Variants in TMSB4X observed in about 807,000 individuals in gnomAD.
The protein encoded by TMSB4X is thymosin beta-4.
Under a neutral mutation model 3.6 loss-of-function variants are expected in TMSB4X, and 1 was observed. That is an observed-to-expected ratio of 0.28 (90% CI 0.10 to 1.32). The LOEUF is 1.32. TMSB4X is among the 40% of genes most tolerant of loss of function. The pLI, the probability that TMSB4X is intolerant of heterozygous loss-of-function variation, is 0.45. For missense variants in TMSB4X, 6 were observed against 32.7 expected (o/e 0.18, Z 1.99); for synonymous variants, 12 against 14.3 (o/e 0.84, Z 0.36).
chrX:12,976,197 CG>C (rs1286422871), intron 1 of TMSB4X, 48 bp from the exon 2 acceptor site: 1 of 976,821 alleles, frequency 1.0e-6, no homozygotes, highest in Non-Finnish European at 1.5e-6. Flanking sequence ...CCAGAGACAG[CG>C]GGGCGGGTGG....
intron 1 of TMSB4X, 31 bp from the exon 2 acceptor site, chrX:12,976,215 C>T (rs1406835134): frequency 2.7e-6 from 3 of 1,129,177 alleles, no homozygotes; most frequent in African/African-American, 1.8e-5. Flanking sequence ...GTGGCTCTTC[C>T]TCACGCTCGC....
chrX:12,975,240 C>G (rs2147274302), intron 1 of TMSB4X, 72 bp downstream of exon 1: 1 of 113,849 alleles, frequency 8.8e-6, no homozygotes, highest in East Asian at 2.8e-4. Context: ...TCATCCGCGT[C>G]CCTGTGAAGG....
rs756125909 is a variant in TMSB4X, at chrX:12,976,784, A to G, written c.108A>G (p.Glu36=). 10 of 1,191,106 alleles carry G rather than the reference A, an allele frequency of 8.4e-6. No individual in the cohort carries two copies. Among genetic ancestry groups the G allele is most frequent in the Non-Finnish European group, 1.1e-5 (10 of 889,358 alleles). ...KNPLPSKETI[E]QEKQAGES is the part of the protein sequence containing the mutation. The stretch of plus-strand genomic sequence containing the variant: ...TTTTTTTTCTGGTCACAGCGATTGA[A>G]CAGGAGAAGCAAGCAGGCGAATCGT... Residue 36 remains glutamate, a synonymous_variant, in exon 3 of 3, where the codon GAA becomes GAG. Coordinates refer to ENST00000451311, the MANE Select transcript of TMSB4X (RefSeq NM_021109.4).
At chrX:12,976,098 A>T (rs749151194) in intron 1 of TMSB4X, 148 bp from the exon 2 acceptor site, 1 of 429,959 alleles carries the variant, frequency 2.3e-6, no homozygotes. Context: ...TAGAAAGAGG[A>T]AGCTCGTGAG....
At chrX:12,976,221 C>G (rs1160813384) in intron 1 of TMSB4X, 25 bp from the exon 2 acceptor site, 1 of 1,151,163 alleles carries the variant, frequency 8.7e-7, no homozygotes, top group Admixed American at 2.2e-5. Context: ...CTTCCTCACG[C>G]TCGCTCTTGG....
intron 2 of TMSB4X, 49 bp downstream of exon 2, chrX:12,976,410 C>CGGTGGGAG (rs2043296500): frequency 2.8e-6 from 2 of 714,369 alleles, no homozygotes; most frequent in Non-Finnish European, 3.9e-6. Flanking sequence ...TGGGAGCGGC[C>CGGTGGGAG]GGTGGGAGGG....
chrX:12,976,190 G>C, intron 1 of TMSB4X, 56 bp from the exon 2 acceptor site: 2 of 948,035 alleles, frequency 2.1e-6, no homozygotes, highest in Non-Finnish European at 1.5e-6. Context: ...TCCCAGCCCA[G>C]AGACAGCGGG....
intron 1 of TMSB4X, 122 bp downstream of exon 1, chrX:12,975,290 G>A (rs1027760907): frequency 8.8e-6 from 1 of 113,411 alleles, no homozygotes; most frequent in Admixed American, 9.4e-5. Flanking sequence ...TCCCCGGGAA[G>A]GCTACTTTGG....
chrX:12,976,766 T>C lies in TMSB4X; in HGVS notation c.101-11T>C, dbSNP rs2043298682. On this transcript the variant is annotated splice_polypyrimidine_tract_variant and intron_variant, in intron 2 of 2. Coordinates refer to ENST00000451311, the MANE Select transcript of TMSB4X (RefSeq NM_021109.4). ...CCTCCATCTTTTTTTTTTTTTTTTT[T>C]CTGGTCACAGCGATTGAACAGGAGA... 1.7e-6 allele frequency: 2 copies of C among 1,170,530 alleles called. No homozygotes were observed. The highest frequency in any genetic ancestry group is 1.9e-5 in the African/African-American group (1 of 52,727).
In TMSB4X at chrX:12,976,880, C is replaced by G; in HGVS notation, c.*69C>G. 9.0e-7 allele frequency: 1 copy of G among 1,110,665 alleles called. No individual in the cohort carries two copies. Among genetic ancestry groups the G allele is most frequent in the East Asian group, 3.0e-5 (1 of 33,286 alleles). The allele number at this position is 1,110,665 out of a possible 1,213,427, so 91.5% of individuals were successfully genotyped here. On this transcript the variant is annotated 3_prime_UTR_variant, in exon 3 of 3. Coordinates refer to ENST00000451311, the MANE Select transcript of TMSB4X (RefSeq NM_021109.4). ...TGCCTTCTTATTTTACTTCTTTTAG[C>G]TGTTTAACTTTGTAAGATGCAAAGA...
Position 12,976,886 on chromosome X carries a change from A to G in TMSB4X, c.*75A>G. Reference sequence around the variant, plus strand: ...CTTATTTTACTTCTTTTAGCTGTTTAACTTTGTAAGATGCAAAGAGGTTGG... The same window carrying G: ...CTTATTTTACTTCTTTTAGCTGTTTGACTTTGTAAGATGCAAAGAGGTTGG... On this transcript the variant is annotated 3_prime_UTR_variant, in exon 3 of 3. Transcript: ENST00000451311. 9.2e-7 allele frequency: 1 copy of G among 1,091,195 alleles called. No homozygotes were observed. Among genetic ancestry groups the G allele is most frequent in the Non-Finnish European group, 1.3e-6 (1 of 794,793 alleles). 89.9% of individuals were successfully genotyped at this position (1,091,195 alleles called of 1,213,427 possible). A position where few individuals can be genotyped will look rare whatever the true frequency, so the allele number is the denominator to read the frequency against.
rs1434882293 is a variant in TMSB4X, at chrX:12,976,768, T to C, written c.101-9T>C. 7.7e-6 allele frequency: 9 copies of C among 1,163,714 alleles called. No homozygotes were observed. The highest frequency in any genetic ancestry group is 1.0e-5 in the Non-Finnish European group (9 of 875,339). ...TCCATCTTTTTTTTTTTTTTTTTTC[T>C]GGTCACAGCGATTGAACAGGAGAAG... On this transcript the variant is annotated splice_polypyrimidine_tract_variant and intron_variant, in intron 2 of 2. Coordinates refer to ENST00000451311, the MANE Select transcript of TMSB4X (RefSeq NM_021109.4).
intron 1 of TMSB4X, 95 bp from the exon 2 acceptor site, chrX:12,976,151 G>A: frequency 1.6e-6 from 1 of 612,005 alleles, no homozygotes; most frequent in Non-Finnish European, 2.7e-6. Flanking sequence ...GTTTTTTTCA[G>A]GCTGCGGGTC....
At position 12,977,163 on chromosome X, in the gene TMSB4X, C is replaced by A. The variant is rs185818577; in HGVS notation, c.*352C>A. ...TCAGAGTGCCATTTTTTTTTTTGTT[C>A]AAATGATTTTAATTATTGGAATGCA... On this transcript the variant is annotated 3_prime_UTR_variant, in exon 3 of 3. Transcript: ENST00000451311. The A allele has an allele frequency of 3.2e-4, 61 of 187,810 alleles. No homozygotes were observed. The highest frequency in any genetic ancestry group is 1.0e-5 in the Non-Finnish European group (1 of 97,179). The allele number at this position is 187,810 out of a possible 1,213,427, so 15.5% of individuals were successfully genotyped here.
At chrX:12,976,749 T>A (rs1272195933) in intron 2 of TMSB4X, 28 bp from the exon 3 acceptor site, 1 of 118,488 alleles carries the variant, frequency 8.4e-6, no homozygotes. Flanking sequence ...TCCCTCCATC[T>A]TTTTTTTTTT....
chrX:12,976,900 CAA>C lies in TMSB4X; in HGVS notation c.*91_*92del. The C allele has an allele frequency of 9.7e-7, 1 of 1,030,511 alleles. No homozygotes were observed. Among genetic ancestry groups the C allele is most frequent in the Non-Finnish European group, 1.3e-6 (1 of 743,569 alleles). 84.9% of individuals were successfully genotyped at this position (1,030,511 alleles called of 1,213,427 possible). A position where few individuals can be genotyped will look rare whatever the true frequency, so the allele number is the denominator to read the frequency against. On this transcript the variant is annotated 3_prime_UTR_variant, in exon 3 of 3. Coordinates refer to ENST00000451311, the MANE Select transcript of TMSB4X (RefSeq NM_021109.4). ...TTTAGCTGTTTAACTTTGTAAGATG[CAA>C]AGAGGTTGGATCAAGTTTAAATGAC... is the stretch of plus-strand genomic sequence containing the variant.
chrX:12,976,382 A>C, intron 2 of TMSB4X, 21 bp downstream of exon 2: 1 of 1,126,946 alleles, frequency 8.9e-7, no homozygotes, highest in Non-Finnish European at 1.2e-6. Flanking sequence ...ACCCACCCCC[A>C]TCTTTAGAAA....
rs750593566 is a variant in TMSB4X at position 12,976,802 on chromosome X, C to G, written c.126C>G (p.Gly42=). The change falls in exon 3 of 3, where the codon GGC becomes GGG. Residue 42 remains glycine, a synonymous_variant. Coordinates refer to ENST00000451311, the MANE Select transcript of TMSB4X (RefSeq NM_021109.4). ...KETIEQEKQA[G]ES The stretch of plus-strand genomic sequence containing the variant: ...CGATTGAACAGGAGAAGCAAGCAGG[C>G]GAATCGTAATGAGGCGTGCGCCGCC... 3 of 1,189,221 alleles carry G rather than the reference C, an allele frequency of 2.5e-6. No homozygotes were observed. Among genetic ancestry groups the G allele is most frequent in the Non-Finnish European group, 2.3e-6 (2 of 888,024 alleles).
intron 2 of TMSB4X, 36 bp downstream of exon 2, chrX:12,976,397 G>A: frequency 8.7e-7 from 1 of 1,149,880 alleles, no homozygotes; most frequent in Non-Finnish European, 1.2e-6. Context: ...TAGAAAGGCT[G>A]GGTGGGAGCG....
Sources: allele counts gnomAD v4.1 joint callset, GRCh38; gene constraint gnomAD v4.1.1; transcripts MANE v1.5; gene names NCBI Gene and HGNC (gene_info 2026-07-23, HGNC 2026-07-21).